Variants in DOCK9 observed in about 807,000 individuals in gnomAD.
DOCK9 encodes dedicator of cytokinesis 9.
Under a neutral mutation model 263.3 loss-of-function variants are expected in DOCK9, and 89 were observed. The observed-to-expected ratio is 0.34, with a 90% CI of 0.28 to 0.40. DOCK9 has a LOEUF of 0.40. DOCK9 is among the 10% of genes least tolerant of loss of function. DOCK9 has a pLI of 1.00. For synonymous variants in DOCK9, 976 were observed against 973.1 expected, an observed-to-expected ratio of 1.00 and a Z score of -0.06; for missense variants, 2,140 against 2,603.4, an observed-to-expected ratio of 0.82 and a Z score of 3.87.
At chr13:98,810,382 C>T in intron 45 of DOCK9, 91 bp from the exon 46 acceptor site, 2 of 1,508,718 alleles carry the variant, frequency 1.3e-6, no homozygotes, top group Non-Finnish European at 1.8e-6. Context: ...CTAAGACTGC[C>T]AGGAGGAATT....
At chr13:98,935,637 G>A (rs888337098) in intron 2 of DOCK9, among the ~76,000 whole-genome samples, 11 of 152,178 alleles carry the variant, frequency 7.2e-5, no homozygotes, top group African/African-American at 2.2e-4. Context: ...GCGTGATGGC[G>A]CACGCCTGTA....
At chr13:99,061,410 CCTGT>C (rs1316102902) in intron 1 of DOCK9, among the ~76,000 whole-genome samples, 3 of 152,180 alleles carry the variant, frequency 2.0e-5, no homozygotes, top group African/African-American at 7.2e-5. Context: ...TAGAAATCTG[CCTGT>C]CTTAGAGACC....
intron 2 of DOCK9, among the ~76,000 whole-genome samples, chr13:98,946,649 G>C (rs1424239939): frequency 2.0e-5 from 3 of 152,116 alleles, no homozygotes; most frequent in African/African-American, 7.2e-5. Flanking sequence ...TCTTCTCCAT[G>C]CCTGGGTTTC....
rs531728998 is a variant in DOCK9, at chr13:99,029,778, T to C, written c.129+56445A>G. On this transcript the variant is annotated intron_variant, in intron 1 of 32. Transcript: ENST00000427887. ...CCACCTGACCTAGCAATTCCACTCCTAGGTATCCACCCAAGAAAAATGAAA... is the reference window on the plus strand; with the variant it reads ...CCACCTGACCTAGCAATTCCACTCCCAGGTATCCACCCAAGAAAAATGAAA... Among the ~76,000 whole-genome samples the C allele has an allele frequency of 1.1e-4, 17 of 152,338 alleles. No homozygotes were observed. The South Asian group carries it at 1.4e-3, about 13-fold the overall frequency.
At chr13:98,956,122 G>A (rs2058033130) in intron 1 of DOCK9, among the ~76,000 whole-genome samples, 1 of 152,234 alleles carries the variant, frequency 6.6e-6, no homozygotes, top group African/African-American at 2.4e-5. Flanking sequence ...AAGAGGCTGG[G>A]TCACAGCCAG....
intron 1 of DOCK9, among the ~76,000 whole-genome samples, chr13:98,960,431 A>G (rs1240695503): frequency 6.6e-6 from 1 of 152,170 alleles, no homozygotes; most frequent in Non-Finnish European, 1.5e-5. Flanking sequence ...TAAAAATCTA[A>G]CTTGGTCTAT....
chr13:99,020,855 T>G (rs978567914), intron 1 of DOCK9, among the ~76,000 whole-genome samples: 1 of 152,194 alleles, frequency 6.6e-6, no homozygotes, highest in African/African-American at 2.4e-5. Context: ...GAAAGGAAGA[T>G]CTCACATAAT....
chr13:98,837,255 T>TC (rs2093038530), intron 39 of DOCK9, among the ~76,000 whole-genome samples: 2 of 152,226 alleles, frequency 1.3e-5, no homozygotes, highest in Admixed American at 6.5e-5. Context: ...AGACCGTGTT[T>TC]CCACCATACC....
rs2046429647 is a variant in DOCK9, at chr13:98,890,364, G to A, written c.1710-1653C>T. 2.0e-5 allele frequency among the ~76,000 whole-genome samples: 3 copies of A among 152,134 alleles called. No individual in the cohort carries two copies. The South Asian group carries it at 6.2e-4, about 32-fold the overall frequency. ...GAACAACTGCCCACTCACGTGTGCA[G>A]CGCTTCTTTGACTCATTCACAGGCT... On this transcript the variant is annotated intron_variant, in intron 15 of 52. Coordinates refer to ENST00000682017, the MANE Select transcript of DOCK9 (RefSeq NM_001366683.2).
At chr13:99,088,489 T>TA (rs2042395322), upstream of DOCK9, 1 of 152,212 alleles carries the variant, frequency 6.6e-6, no homozygotes, top group Admixed American at 6.5e-5. Flanking sequence ...GAGCCTCCCT[T>TA]TAGGCTTCTG....
At chr13:98,990,843 T>G (rs1159283693) in intron 1 of DOCK9, among the ~76,000 whole-genome samples, 2 of 152,186 alleles carry the variant, frequency 1.3e-5, no homozygotes, top group Non-Finnish European at 2.9e-5. Flanking sequence ...ACCTTAGGAC[T>G]CTCACTAAAG....
chr13:99,085,686 G>A (rs1211897311), intron 1 of DOCK9, among the ~76,000 whole-genome samples: 1 of 152,076 alleles, frequency 6.6e-6, no homozygotes, highest in Non-Finnish European at 1.5e-5. Flanking sequence ...TGGAGGTGGG[G>A]GGCGCAGGAG....
intron 1 of DOCK9, among the ~76,000 whole-genome samples, chr13:99,025,709 G>A (rs981485972): frequency 1.3e-5 from 2 of 152,160 alleles, no homozygotes; most frequent in Admixed American, 6.5e-5. Context: ...GATGCCCAAC[G>A]TTGAAAATAT....
chr13:98,846,464 A>G, intron 37 of DOCK9: 1 of 1,277,104 alleles, frequency 7.8e-7, no homozygotes, highest in Non-Finnish European at 1.0e-6. Flanking sequence ...TGGAAGACAC[A>G]GAGAACAAAC....
chr13:98,934,427 TACAG>T (rs1480138923), intron 2 of DOCK9, among the ~76,000 whole-genome samples: 1 of 152,214 alleles, frequency 6.6e-6, no homozygotes, highest in Non-Finnish European at 1.5e-5. Context: ...TTCCAGTTCC[TACAG>T]ACAGTGTAAA....
intron 1 of DOCK9, among the ~76,000 whole-genome samples, chr13:99,016,708 A>C (rs1008190796): frequency 6.6e-6 from 1 of 152,208 alleles, no homozygotes; most frequent in African/African-American, 2.4e-5. Flanking sequence ...TTCAACAATG[A>C]AAGGCTAACT....
chr13:98,912,059 A>G (rs9517481), intron 9 of DOCK9, among the ~76,000 whole-genome samples: 84,932 of 150,894 alleles, frequency 0.56, 24,179 homozygotes, highest in Middle Eastern at 0.6. Flanking sequence ...TAGTAGAGAC[A>G]GGGTTTTATA....
At chr13:98,799,527 G>A (rs1275378578) in intron 50 of DOCK9, among the ~76,000 whole-genome samples, 1 of 152,024 alleles carries the variant, frequency 6.6e-6, no homozygotes, top group Non-Finnish European at 1.5e-5. Flanking sequence ...ATATACAAAC[G>A]GGAAAGCGCA....
chr13:98,816,259 C>T (rs1664480943), intron 45 of DOCK9, among the ~76,000 whole-genome samples: 1 of 152,126 alleles, frequency 6.6e-6, no homozygotes, highest in Non-Finnish European at 1.5e-5. Flanking sequence ...TCCTCAAAGA[C>T]ACACACGGTC....
Sources: allele counts gnomAD v4.1 joint callset (sites outside exome capture counted in the v4.1 genomes callset), GRCh38; gene constraint gnomAD v4.1.1; transcripts MANE v1.5; gene names NCBI Gene and HGNC (gene_info 2026-07-23, HGNC 2026-07-21).